Variants in PDE11A observed in about 807,000 individuals in gnomAD.
The protein encoded by PDE11A is phosphodiesterase 11A.
PDE11A carries 100 observed loss-of-function variants against 100.5 expected under a neutral mutation model. The observed-to-expected ratio is 1.00, with a 90% CI of 0.85 to 1.18. The LOEUF is 1.18. Ranked by LOEUF, PDE11A falls within the 50% of genes most tolerant of loss-of-function variation. The pLI is 0.00. For synonymous variants in PDE11A, 381 were observed against 420.8 expected, an observed-to-expected ratio of 0.91 and a Z score of 1.16; for missense variants, 1,141 against 1,152.6, an observed-to-expected ratio of 0.99 and a Z score of 0.15.
rs530645306 is a variant in PDE11A, at chr2:177,897,398, T to C, written c.1302+660A>G. ...AGGCTCTGAACGAGATGTTTCCCTA[T>C]GGAGCAGCAGGAACCCCTGCAGGGA... is the stretch of plus-strand genomic sequence containing the variant. On this transcript the variant is annotated intron_variant, in intron 4 of 19. Coordinates refer to ENST00000286063, the MANE Select transcript of PDE11A (RefSeq NM_016953.4). 5.3e-5 allele frequency among the ~76,000 whole-genome samples: 8 copies of C among 152,332 alleles called. No individual in the cohort carries two copies. The South Asian group carries it at 8.3e-4, about 16-fold the overall frequency.
chr2:177,652,398 CACAGGCACGGGGTGTGGA>C (rs2080324069), intron 19 of PDE11A, among the ~76,000 whole-genome samples: 1 of 152,076 alleles, frequency 6.6e-6, no homozygotes, highest in Non-Finnish European at 1.5e-5. Context: ...GCTAGGTGAG[CACAGGCACGGGGTGTGGA>C]ACATTTAGCT....
chr2:177,648,640 A>G (rs1176788051), intron 19 of PDE11A, among the ~76,000 whole-genome samples: 2 of 152,142 alleles, frequency 1.3e-5, no homozygotes, highest in African/African-American at 4.8e-5. Context: ...TGAAACTAGG[A>G]TTATGAGACA....
chr2:178,015,434 G>GT (rs1165723709), intron 1 of PDE11A, among the ~76,000 whole-genome samples: 1 of 152,010 alleles, frequency 6.6e-6, no homozygotes, highest in Non-Finnish European at 1.5e-5. Context: ...CAAAAAAAAA[G>GT]TTTTTTTAAA....
intron 7 of PDE11A, among the ~76,000 whole-genome samples, chr2:177,818,456 C>T (rs1042574888): frequency 6.6e-5 from 10 of 151,840 alleles, no homozygotes; most frequent in African/African-American, 2.4e-4. Flanking sequence ...GGGCACGTTA[C>T]CTAACTTTTT....
rs142527595 is a variant in PDE11A at position 178,081,374 on chromosome 2, A to T, written c.162+22928T>A. ...AATAGACCAATTTAAATGTCTTACC[A>T]GTTTATAAAAGAAAATATAGAGAAA... On this transcript the variant is annotated intron_variant, in intron 2 of 20. Coordinates refer to the PDE11A transcript ENST00000358450. Among the ~76,000 whole-genome samples, 886 of 152,362 alleles carry T rather than the reference A, an allele frequency of 5.8e-3. 6 individuals are homozygous for T. Among genetic ancestry groups the T allele is most frequent in the African/African-American group, 0.02 (827 of 41,594 alleles).
chr2:177,985,134 T>C (rs759899687), intron 2 of PDE11A, among the ~76,000 whole-genome samples: 9 of 152,234 alleles, frequency 5.9e-5, no homozygotes, highest in Non-Finnish European at 1.0e-4. Flanking sequence ...CAGGTGCATA[T>C]TTGATTTTTC....
At chr2:177,910,944 AT>A (rs2084872050) in intron 2 of PDE11A, among the ~76,000 whole-genome samples, 1 of 152,214 alleles carries the variant, frequency 6.6e-6, no homozygotes, top group Non-Finnish European at 1.5e-5. Flanking sequence ...GAAGGGGGCC[AT>A]CCCGTTCGTG....
At chr2:177,830,823 G>A (rs2083297251) in intron 6 of PDE11A, among the ~76,000 whole-genome samples, 2 of 151,492 alleles carry the variant, frequency 1.3e-5, no homozygotes, top group South Asian at 4.2e-4. Context: ...TAAACATGAG[G>A]GTTTCTTGTA....
intron 9 of PDE11A, among the ~76,000 whole-genome samples, chr2:177,812,573 G>C (rs2082964721): frequency 6.6e-6 from 1 of 152,100 alleles, no homozygotes; most frequent in Non-Finnish European, 1.5e-5. Context: ...ATTTCAACTT[G>C]TTCAAGCAGG....
At chr2:177,816,028 T>C (rs1359152126) in intron 9 of PDE11A, among the ~76,000 whole-genome samples, 1 of 151,998 alleles carries the variant, frequency 6.6e-6, no homozygotes, top group African/African-American at 2.4e-5. Flanking sequence ...CTGGCCAACA[T>C]AGTGAAACCT....
At chr2:177,700,964 T>C in intron 14 of PDE11A, 157 bp downstream of exon 14, 13 of 695,674 alleles carry the variant, frequency 1.9e-5, no homozygotes, top group South Asian at 1.4e-4. Flanking sequence ...CAGGCATCTA[T>C]AGGAACAGAA....
rs1319854611 is a variant in PDE11A, at chr2:177,875,672, G to A, written c.1367+187C>T. Among the ~76,000 whole-genome samples the A allele has an allele frequency of 3.3e-5, 5 of 151,978 alleles. No individual in the cohort carries two copies. The South Asian group carries it at 8.3e-4, about 25-fold the overall frequency. ...CTGGGATTACAGGCTGAGCCACCGC[G>A]CCTGGCCGTATATGCATTTATTTTT... On this transcript the variant is annotated intron_variant, in intron 5 of 19. Transcript: ENST00000286063.
chr2:177,689,572 A>G (rs968766339), intron 15 of PDE11A, among the ~76,000 whole-genome samples: 1 of 152,208 alleles, frequency 6.6e-6, no homozygotes, highest in African/African-American at 2.4e-5. Context: ...ACAAACATTG[A>G]AGAGGAATAG....
In PDE11A at chr2:177,979,106, G is replaced by T. The variant is rs1018799279; in HGVS notation, c.1071+35196C>A. Among the ~76,000 whole-genome samples, 4 of 146,730 alleles carry T rather than the reference G, an allele frequency of 2.7e-5. 1 individual carries two copies. Among genetic ancestry groups the T allele is most frequent in the African/African-American group, 5.1e-5 (2 of 39,598 alleles). On this transcript the variant is annotated intron_variant, in intron 2 of 19. Coordinates refer to ENST00000286063, the MANE Select transcript of PDE11A (RefSeq NM_016953.4). ...AAAAAAAAAAAAAAGAAAGAAAATG[G>T]CTTACATGAATTTCTCCTTTTTATC...
At position 177,675,703 on chromosome 2, in the gene PDE11A, C is replaced by T. The variant is rs769373450; in HGVS notation, c.2424-185G>A. 65 of 699,278 alleles carry T rather than the reference C, an allele frequency of 9.3e-5. 1 individual carries two copies. In the South Asian group the frequency reaches 9.3e-4, roughly 10 times the overall value. The allele number at this position is 699,278 out of a possible 1,614,324, so 43.3% of individuals were successfully genotyped here. Reference sequence around the variant, plus strand: ...TCAGCATCTCCATCATGTGGCCACGCTGCTTAGGAAGACAAAGCTCTCACA... The same window carrying T: ...TCAGCATCTCCATCATGTGGCCACGTTGCTTAGGAAGACAAAGCTCTCACA... On this transcript the variant is annotated intron_variant, in intron 16 of 19. Coordinates refer to ENST00000286063, the MANE Select transcript of PDE11A (RefSeq NM_016953.4).
chr2:177,785,733 T>C (rs553101559), intron 9 of PDE11A, among the ~76,000 whole-genome samples: 266 of 152,322 alleles, frequency 1.7e-3, no homozygotes, highest in South Asian at 3.3e-3. Flanking sequence ...CAGGAGATTA[T>C]ATCCCACACA....
intron 10 of PDE11A, among the ~76,000 whole-genome samples, chr2:177,741,884 T>A (rs2081876470): frequency 6.6e-6 from 1 of 152,084 alleles, no homozygotes; most frequent in East Asian, 1.9e-4. Flanking sequence ...GAAAAAAAAT[T>A]AGCCGGGCAC....
chr2:177,840,571 T>C (rs2083475216), intron 5 of PDE11A, among the ~76,000 whole-genome samples, 188 bp from the exon 6 acceptor site: 2 of 152,208 alleles, frequency 1.3e-5, no homozygotes, highest in South Asian at 4.1e-4. Context: ...TGCTATAATG[T>C]ATAATAATTA....
chr2:178,076,589 T>C (rs1000556467), upstream of PDE11A, among the ~76,000 whole-genome samples: 1 of 152,208 alleles, frequency 6.6e-6, no homozygotes, highest in African/African-American at 2.4e-5. Context: ...ATTAACCTCT[T>C]AAAGCCCAAT....
Sources: gnomAD v4.1 joint callset for allele counts (sites outside exome capture counted in the v4.1 genomes callset) on GRCh38, gnomAD v4.1.1 for gene constraint, MANE v1.5 for transcripts, NCBI Gene and HGNC (gene_info 2026-07-23, HGNC 2026-07-21) for gene names.